Variants in CNOT2 observed in about 807,000 individuals in gnomAD.
CNOT2 encodes CC chemokine receptor 4-negative regulator of transcription 2.
A neutral mutation model predicts 72.1 loss-of-function variants in CNOT2; 7 were observed. That is an observed-to-expected ratio of 0.10 (90% CI 0.06 to 0.18). CNOT2 has a LOEUF of 0.18. CNOT2 is among the 10% of genes least tolerant of loss of function. CNOT2 has a pLI of 1.00. For synonymous variants in CNOT2, 196 were observed against 225.6 expected (o/e 0.87, Z 1.17); for missense variants, 345 against 660.3 (o/e 0.52, Z 5.23).
chr12:70,346,341 G>A lies in CNOT2; in HGVS notation c.1536+17G>A, dbSNP rs1295695411. ...GTAGCTAAGGTATATTTCTTTCCAT[G>A]TGCAAATGTATAAATCTAAACTTGA... On this transcript the variant is annotated intron_variant, in intron 15 of 15. Transcript: ENST00000229195. 1.9e-6 allele frequency: 3 copies of A among 1,599,446 alleles called. No individual in the cohort carries two copies. The highest frequency in any genetic ancestry group is 1.3e-5 in the African/African-American group (1 of 74,670).
At chr12:70,282,296 A>G (rs1017267863) in intron 2 of CNOT2, among the ~76,000 whole-genome samples, 4 of 152,190 alleles carry the variant, frequency 2.6e-5, no homozygotes, top group African/African-American at 9.6e-5. Context: ...TCAATGCATT[A>G]TCTACAAACT....
chr12:70,319,405 A>T lies in CNOT2; in HGVS notation c.238+41A>T, dbSNP rs750802653. The T allele has an allele frequency of 1.9e-6, 3 of 1,564,600 alleles. 1 individual carries two copies. In the South Asian group the frequency reaches 3.4e-5, roughly 18 times the overall value. ...TTATTCTGGGATACTTTATTTAAAG[A>T]GAAAAATAAGTAACTACCAAATAAA... On this transcript the variant is annotated intron_variant, in intron 4 of 15. Transcript: ENST00000229195.
At chr12:70,340,442 G>A (rs1434340712) in intron 11 of CNOT2, among the ~76,000 whole-genome samples, 1 of 151,720 alleles carries the variant, frequency 6.6e-6, no homozygotes, top group Non-Finnish European at 1.5e-5. Context: ...ATATATTGAG[G>A]AATCCCAAAC....
At chr12:70,254,467 A>G (rs12578407) in intron 1 of CNOT2, among the ~76,000 whole-genome samples, 11,805 of 152,152 alleles carry the variant, frequency 0.078, 576 homozygotes, top group Admixed American at 0.15. Flanking sequence ...CTGGTGCCCA[A>G]TTTAAAACGT....
chr12:70,281,021 G>C (rs1376220983), intron 2 of CNOT2, among the ~76,000 whole-genome samples: 1 of 151,320 alleles, frequency 6.6e-6, no homozygotes, highest in Admixed American at 6.6e-5. Context: ...CCCTAGCTAT[G>C]AGCATGCACA....
chr12:70,349,450 T>G (rs551075288), intron 15 of CNOT2, among the ~76,000 whole-genome samples: 382 of 152,246 alleles, frequency 2.5e-3, no homozygotes, highest in Non-Finnish European at 3.7e-3. Flanking sequence ...TATTATGGTG[T>G]TCTTGAAAGG....
chr12:70,324,964 G>A (rs1421879584), intron 4 of CNOT2, among the ~76,000 whole-genome samples: 1 of 151,808 alleles, frequency 6.6e-6, no homozygotes, highest in Admixed American at 6.6e-5. Context: ...AAATTTTTCT[G>A]CTTCCAGACT....
intron 15 of CNOT2, among the ~76,000 whole-genome samples, chr12:70,352,686 A>G (rs916827606): frequency 2.0e-5 from 3 of 152,186 alleles, no homozygotes; most frequent in African/African-American, 7.2e-5. Flanking sequence ...GCTAATTCAG[A>G]TGGTAGAATT....
In CNOT2 at chr12:70,342,204, A is replaced by C; in HGVS notation, c.1240+36A>C. 3 of 1,612,978 alleles carry C rather than the reference A, an allele frequency of 1.9e-6. No individual in the cohort carries two copies. The South Asian group carries it at 3.3e-5, about 18-fold the overall frequency. On this transcript the variant is annotated intron_variant, in intron 12 of 15. Coordinates refer to ENST00000229195, the MANE Select transcript of CNOT2 (RefSeq NM_014515.7). Reference sequence around the variant, plus strand: ...CTATTTGTGTTTAGACCTTTTAAAAAGAAATTTACAATTGAGAATCAGTTA... The same window carrying C: ...CTATTTGTGTTTAGACCTTTTAAAACGAAATTTACAATTGAGAATCAGTTA...
In CNOT2 at chr12:70,325,167, A is replaced by G. The variant is rs1056190361; in HGVS notation, c.239-4256A>G. ...GAGTAGTAAAGGACAGATTTGAGGA[A>G]AGGAATAGAGAAAGAAGAAAGAAGA... On this transcript the variant is annotated intron_variant, in intron 4 of 15. Coordinates refer to ENST00000229195, the MANE Select transcript of CNOT2 (RefSeq NM_014515.7). 4.0e-5 allele frequency among the ~76,000 whole-genome samples: 6 copies of G among 150,670 alleles called. No individual in the cohort carries two copies. In the South Asian group the frequency reaches 1.0e-3, roughly 26 times the overall value.
At chr12:70,270,128 G>A (rs1467431605) in intron 1 of CNOT2, among the ~76,000 whole-genome samples, 4 of 152,108 alleles carry the variant, frequency 2.6e-5, no homozygotes, top group Admixed American at 6.5e-5. Flanking sequence ...CTGATTATTA[G>A]TATCAATGAT....
rs1213957201 is a variant in CNOT2 at position 70,338,742 on chromosome 12, A to G, written c.1098A>G (p.Ala366=). The stretch of plus-strand genomic sequence containing the variant: ...TTGGCCTGTTAACATTTATCAGGGC[A>G]GCAGAGACAGACCCAGGAATGGTAC... ...GMIGLLTFIR[A]AETDPGMVHL... Residue 366 remains alanine (A), a synonymous_variant, in exon 11 of 16, where the codon GCA becomes GCG. Coordinates refer to ENST00000229195, the MANE Select transcript of CNOT2 (RefSeq NM_014515.7). The G allele has an allele frequency of 2.5e-6, 4 of 1,613,398 alleles. No individual in the cohort carries two copies. The highest frequency in any genetic ancestry group is 1.7e-5 in the Admixed American group (1 of 59,928).
chr12:70,259,919 A>G (rs1201655424), intron 1 of CNOT2, among the ~76,000 whole-genome samples: 1 of 152,190 alleles, frequency 6.6e-6, no homozygotes, highest in Non-Finnish European at 1.5e-5. Context: ...ATTTGTTAAA[A>G]AGACTGTTTT....
intron 2 of CNOT2, among the ~76,000 whole-genome samples, chr12:70,298,286 C>T (rs950362831): frequency 1.3e-5 from 2 of 152,118 alleles, no homozygotes; most frequent in African/African-American, 4.8e-5. Flanking sequence ...CTTCCTCCTC[C>T]AATCGGCTTT....
chr12:70,311,188 T>C (rs901230181), intron 3 of CNOT2, among the ~76,000 whole-genome samples, 171 bp downstream of exon 3: 3 of 151,984 alleles, frequency 2.0e-5, no homozygotes, highest in South Asian at 2.1e-4. Flanking sequence ...GACAATGAAT[T>C]TGTATTCTAA....
intron 6 of CNOT2, among the ~76,000 whole-genome samples, chr12:70,332,024 CTG>C (rs897999387): frequency 1.3e-5 from 2 of 151,000 alleles, no homozygotes; most frequent in African/African-American, 4.9e-5. Context: ...AGGGAGGCAA[CTG>C]TAACTATTTA....
intron 4 of CNOT2, among the ~76,000 whole-genome samples, chr12:70,328,669 G>A (rs767929814): frequency 2.0e-5 from 3 of 150,808 alleles, no homozygotes; most frequent in African/African-American, 4.9e-5. Flanking sequence ...ATCCACAGTG[G>A]TTTTGTTTGT....
chr12:70,260,670 A>G (rs1270922744), intron 1 of CNOT2, among the ~76,000 whole-genome samples: 1 of 152,014 alleles, frequency 6.6e-6, no homozygotes, highest in East Asian at 1.9e-4. Context: ...ACTGTTGTTG[A>G]ATTGGCTATT....
At chr12:70,319,550 A>G (rs1012002491) in intron 4 of CNOT2, among the ~76,000 whole-genome samples, 186 bp downstream of exon 4, 7 of 151,772 alleles carry the variant, frequency 4.6e-5, no homozygotes, top group African/African-American at 1.2e-4. Flanking sequence ...TATTGATCCT[A>G]TGGTTGCTAT....
Sources: allele counts gnomAD v4.1 joint callset (sites outside exome capture counted in the v4.1 genomes callset), GRCh38; gene constraint gnomAD v4.1.1; transcripts MANE v1.5; gene names NCBI Gene and HGNC (gene_info 2026-07-23, HGNC 2026-07-21).